WDR17: variants seen among roughly 807,000 people sequenced by gnomAD.
The protein encoded by WDR17 is WD repeat-containing protein 17.
WDR17 carries 143 observed loss-of-function variants against 161.7 expected under a neutral mutation model. The ratio of observed to expected loss-of-function variants is 0.88; its 90% CI spans 0.77 to 1.02. The LOEUF (loss-of-function observed/expected upper bound fraction) is 1.02, where lower values mean the gene tolerates loss of function less well. WDR17 is among the 50% of genes least tolerant of loss of function. WDR17 has a pLI of 0.00. For synonymous variants in WDR17, 517 were observed against 515.6 expected (o/e 1.00, Z -0.04); for missense variants, 1,469 against 1,520.9 (o/e 0.97, Z 0.57).
chr4:176,126,505 C>T (rs1742467559), intron 5 of WDR17, among the ~76,000 whole-genome samples: 1 of 152,082 alleles, frequency 6.6e-6, no homozygotes, highest in African/African-American at 2.4e-5. Flanking sequence ...GTGACGCCAC[C>T]CTGTATCTGT....
At chr4:176,114,841 A>G (rs1297851781) in intron 2 of WDR17, among the ~76,000 whole-genome samples, 4 of 151,668 alleles carry the variant, frequency 2.6e-5, no homozygotes, top group South Asian at 2.1e-4. Flanking sequence ...ATGAATAACC[A>G]TGAGCAAATC....
chr4:176,071,323 C>A (rs933948188), intron 1 of WDR17, among the ~76,000 whole-genome samples: 2 of 112,962 alleles, frequency 1.8e-5, no homozygotes, highest in Admixed American at 8.2e-5. Context: ...TTTCTTTTTT[C>A]TTTTCTCTTT....
intron 1 of WDR17, among the ~76,000 whole-genome samples, chr4:176,070,490 T>C (rs1191676118): frequency 6.6e-6 from 1 of 152,114 alleles, no homozygotes; most frequent in Non-Finnish European, 1.5e-5. Context: ...TTAGTTTATG[T>C]AGATCCTTTT....
intron 11 of WDR17, among the ~76,000 whole-genome samples, chr4:176,142,943 G>A (rs1745513122): frequency 6.6e-6 from 1 of 152,158 alleles, no homozygotes; most frequent in South Asian, 2.1e-4. Context: ...GCAATGGCAT[G>A]ATCTCGGCTC....
chr4:176,175,930 T>G (rs1462047210), intron 26 of WDR17, among the ~76,000 whole-genome samples: 3 of 151,994 alleles, frequency 2.0e-5, no homozygotes, highest in African/African-American at 7.2e-5. Flanking sequence ...ATTCCTAACT[T>G]CTCCCTATTG....
intron 1 of WDR17, among the ~76,000 whole-genome samples, chr4:176,107,455 A>G (rs932632187): frequency 2.0e-5 from 3 of 149,656 alleles, no homozygotes; most frequent in Non-Finnish European, 1.5e-5. Flanking sequence ...AATTGAAAGC[A>G]GGGTGTGGAA....
chr4:176,178,578 G>C (rs575590877), intron 28 of WDR17, among the ~76,000 whole-genome samples: 1 of 152,106 alleles, frequency 6.6e-6, no homozygotes, highest in Admixed American at 6.6e-5. Context: ...TGAGGCCCAC[G>C]TGACTGGTAT....
At chr4:176,075,359 A>G (rs1297969714) in intron 1 of WDR17, among the ~76,000 whole-genome samples, 1 of 152,124 alleles carries the variant, frequency 6.6e-6, no homozygotes, top group Admixed American at 6.6e-5. Flanking sequence ...AATTTACCAT[A>G]TCTTTGTTTT....
At chr4:176,175,822 G>A (rs1290530539) in intron 26 of WDR17, among the ~76,000 whole-genome samples, 1 of 152,156 alleles carries the variant, frequency 6.6e-6, no homozygotes, top group African/African-American at 2.4e-5. Context: ...GCCTCCCAAA[G>A]TGCTGGGATT....
chr4:176,173,610 G>A (rs1579267570), intron 25 of WDR17, among the ~76,000 whole-genome samples: 1 of 152,208 alleles, frequency 6.6e-6, no homozygotes, highest in East Asian at 1.9e-4. Flanking sequence ...TCCGCCTCCT[G>A]GGTTCACACC....
chr4:176,115,129 CATT>C (rs1340838767), intron 2 of WDR17, among the ~76,000 whole-genome samples: 1 of 151,828 alleles, frequency 6.6e-6, no homozygotes, highest in Non-Finnish European at 1.5e-5. Flanking sequence ...GTGAAAGGCT[CATT>C]ATATGCTAAA....
chr4:176,087,128 A>G (rs545538687), intron 1 of WDR17, among the ~76,000 whole-genome samples: 1 of 151,988 alleles, frequency 6.6e-6, no homozygotes, highest in Non-Finnish European at 1.5e-5. Context: ...ATTTAACTAC[A>G]TATTTTCCCT....
intron 1 of WDR17, among the ~76,000 whole-genome samples, chr4:176,081,111 T>C (rs951400892): frequency 2.0e-5 from 3 of 152,130 alleles, no homozygotes; most frequent in African/African-American, 7.2e-5. Context: ...CTTGTCTTTC[T>C]CATCTACTTA....
intron 1 of WDR17, among the ~76,000 whole-genome samples, chr4:176,076,426 G>A (rs1398513942): frequency 2.1e-5 from 1 of 47,966 alleles, no homozygotes; most frequent in Non-Finnish European, 5.9e-5. Flanking sequence ...TTTTTTTTTG[G>A]CTGCATCTCA....
Position 176,077,553 on chromosome 4 carries a change from A to G in WDR17, c.-7+11474A>G, listed in dbSNP as rs192332236. Among the ~76,000 whole-genome samples, 680 of 152,108 alleles carry G rather than the reference A, an allele frequency of 4.5e-3. 8 individuals are homozygous for G. Among genetic ancestry groups the G allele is most frequent in the African/African-American group, 0.016 (659 of 41,500 alleles). On this transcript the variant is annotated intron_variant, in intron 1 of 28. Coordinates refer to ENST00000508596, the MANE Select transcript of WDR17 (RefSeq NM_181265.4). ...CAGATTAAAATGTCGCTGATGCTGAAACCTTATTTTATATGTGACTATGAG... is the reference window on the plus strand; with the variant it reads ...CAGATTAAAATGTCGCTGATGCTGAGACCTTATTTTATATGTGACTATGAG...
intron 1 of WDR17, among the ~76,000 whole-genome samples, chr4:176,069,187 A>G (rs73874911): frequency 0.016 from 2,423 of 152,102 alleles, 62 homozygotes; most frequent in African/African-American, 0.054. Context: ...AAAGAACTTG[A>G]TATTGGAGCC....
intron 8 of WDR17, among the ~76,000 whole-genome samples, chr4:176,136,658 G>A (rs781613970): frequency 7.3e-5 from 11 of 151,510 alleles, no homozygotes; most frequent in Non-Finnish European, 1.0e-4. Context: ...GATGGAAGTA[G>A]AGTAGGATAT....
chr4:176,152,588 T>A (rs1277352712), intron 17 of WDR17, among the ~76,000 whole-genome samples: 2 of 48,574 alleles, frequency 4.1e-5, no homozygotes, highest in South Asian at 8.5e-4. Flanking sequence ...CCTGGGTAAC[T>A]CCATCTCAAA....
At chr4:176,158,628 G>A (rs889384489) in intron 18 of WDR17, among the ~76,000 whole-genome samples, 1 of 152,162 alleles carries the variant, frequency 6.6e-6, no homozygotes, top group Non-Finnish European at 1.5e-5. Context: ...TGGATCACAT[G>A]GAGGTTATTG....
Sources: gnomAD v4.1 joint callset for allele counts (sites outside exome capture counted in the v4.1 genomes callset) on GRCh38, gnomAD v4.1.1 for gene constraint, MANE v1.5 for transcripts, NCBI Gene and HGNC (gene_info 2026-07-23, HGNC 2026-07-21) for gene names.